The following EHD2 variants were observed in gnomAD, a reference collection of about 807,000 sequenced individuals.
EHD2 encodes EH domain-containing protein 2.
A neutral mutation model predicts 41.0 loss-of-function variants in EHD2; 27 were observed. The ratio of observed to expected loss-of-function variants is 0.66; its 90% CI spans 0.49 to 0.91. The LOEUF (loss-of-function observed/expected upper bound fraction) is 0.91, where lower values mean the gene tolerates loss of function less well. Among genes scored for constraint, EHD2 ranks in the 40% least tolerant of loss-of-function variants. EHD2 has a pLI of 0.00. For synonymous variants in EHD2, 342 were observed against 341.0 expected (o/e 1.00, Z -0.03); for missense variants, 673 against 773.9 (o/e 0.87, Z 1.55).
chr19:47,731,267 TAAAAAAAAA>T (rs1168747038), intron 4 of EHD2: 2 of 65,162 alleles, frequency 3.1e-5, no homozygotes, highest in Admixed American at 1.9e-4. Flanking sequence ...TGTGATTCTT[TAAAAAAAAA>T]AAAATATATA....
At position 47,741,689 on chromosome 19, in the gene EHD2, G is replaced by A. The variant is rs1302889980; in HGVS notation, c.*257G>A. ...GCACATCACACACACACTGGCACACGCAGGCATCCATCCATCCGTCATTCA... is the reference window on the plus strand; with the variant it reads ...GCACATCACACACACACTGGCACACACAGGCATCCATCCATCCGTCATTCA... On this transcript the variant is annotated 3_prime_UTR_variant, in exon 6 of 6. Transcript: ENST00000263277. The surrounding 1 kb of genome is among the most constrained non-coding windows in gnomAD (Gnocchi z 4.5). The A allele has an allele frequency of 1.1e-5, 7 of 632,038 alleles. No homozygotes were observed. The highest frequency in any genetic ancestry group is 5.5e-5 in the African/African-American group (3 of 54,390). The allele number at this position is 632,038 out of a possible 1,614,324, so 39.2% of individuals were successfully genotyped here.
At chr19:47,731,282 A>ATATATATACATG (rs1973809102) in intron 4 of EHD2, 10 of 60,690 alleles carry the variant, frequency 1.6e-4, no homozygotes, top group African/African-American at 5.8e-4. Flanking sequence ...AAAAAAAAAT[A>ATATATATACATG]TATATATATA....
rs141769793 is a variant in EHD2, at chr19:47,727,751, C to T, written c.915+1527C>T. On this transcript the variant is annotated intron_variant, in intron 4 of 5. Transcript: ENST00000263277. ...TAACCCACTACCATTGGACCAGCCC[C>T]GGGGCTTATCTTTTGATGGAGGGAG... is the stretch of plus-strand genomic sequence containing the variant. Among the ~76,000 whole-genome samples the T allele has an allele frequency of 3.4e-3, 510 of 149,098 alleles. 9 individuals carry two copies. In the East Asian group the frequency reaches 0.051, roughly 15 times the overall value.
chr19:47,726,093 C>A lies in EHD2; in HGVS notation c.784C>A (p.Leu262Ile). Residue 262 changes from leucine (L) to isoleucine (I), a missense_variant, in exon 4 of 6, where the codon CTC (leucine) becomes ATC (isoleucine). Coordinates refer to ENST00000263277, the MANE Select transcript of EHD2 (RefSeq NM_014601.4). ...VYIGSFWSQPLLVPDNRRLFE... is the reference protein window; with the variant it reads ...VYIGSFWSQPILVPDNRRLFE... ...CATCGGCTCCTTCTGGTCCCAGCCCCTCCTCGTGCCCGACAACCGGCGCCT... is the reference window on the plus strand; with the variant it reads ...CATCGGCTCCTTCTGGTCCCAGCCCATCCTCGTGCCCGACAACCGGCGCCT... 6.3e-7 allele frequency: 1 copy of A among 1,574,962 alleles called. No individual in the cohort carries two copies. The highest frequency in any genetic ancestry group is 1.4e-5 in the African/African-American group (1 of 74,040).
intron 2 of EHD2, among the ~76,000 whole-genome samples, chr19:47,717,818 G>A (rs952056867): frequency 6.8e-6 from 1 of 147,274 alleles, no homozygotes; most frequent in African/African-American, 2.5e-5. Flanking sequence ...TGAGGCAGAA[G>A]AATTGCTTAA....
intron 3 of EHD2, among the ~76,000 whole-genome samples, chr19:47,723,318 T>G (rs557520181): frequency 6.6e-5 from 10 of 152,282 alleles, no homozygotes; most frequent in African/African-American, 2.4e-4. Flanking sequence ...CATCCAGCAC[T>G]GTTTTTAAAA....
In EHD2 at chr19:47,725,972, C is replaced by G; in HGVS notation, c.663C>G (p.Ala221=). Residue 221 remains alanine, a synonymous_variant, in exon 4 of 6, where the codon GCC becomes GCG. Transcript: ENST00000263277. ...EDKIRVVLNK[A]DMVETQQLMR... ...AGATCCGCGTGGTGCTCAACAAGGC[C>G]GACATGGTGGAGACGCAGCAGCTGA... 3.1e-6 allele frequency: 5 copies of G among 1,612,776 alleles called. No individual in the cohort carries two copies. Among genetic ancestry groups the G allele is most frequent in the Non-Finnish European group, 4.2e-6 (5 of 1,179,084 alleles).
intron 3 of EHD2, among the ~76,000 whole-genome samples, chr19:47,722,524 C>T (rs902208638): frequency 5.3e-5 from 8 of 151,926 alleles, no homozygotes; most frequent in Non-Finnish European, 8.8e-5. Context: ...CCTCTTCTGT[C>T]GCCTCTTACC....
In EHD2 at chr19:47,716,633, G is replaced by T; in HGVS notation, c.21G>T (p.Arg7=). The change falls in exon 2 of 6, where the codon CGG becomes CGT. Residue 7 remains arginine, a synonymous_variant. Coordinates refer to ENST00000263277, the MANE Select transcript of EHD2 (RefSeq NM_014601.4). The stretch of plus-strand genomic sequence containing the variant: ...CCACCATGTTCAGCTGGCTGAAGCG[G>T]GGCGGGGCACGGGGCCAGCAGCCCG... MFSWLK[R]GGARGQQPEA... The T allele has an allele frequency of 6.4e-7, 1 of 1,551,280 alleles. No individual in the cohort carries two copies. Among genetic ancestry groups the T allele is most frequent in the East Asian group, 2.3e-5 (1 of 43,542 alleles).
At chr19:47,739,756 T>A (rs1186820808) in intron 5 of EHD2, among the ~76,000 whole-genome samples, 1 of 151,862 alleles carries the variant, frequency 6.6e-6, no homozygotes, top group Non-Finnish European at 1.5e-5. Context: ...CTGAGTTTTT[T>A]TTTTTTTAAC....
intron 4 of EHD2, among the ~76,000 whole-genome samples, chr19:47,730,060 C>G (rs1339814504): frequency 6.6e-6 from 1 of 152,072 alleles, no homozygotes; most frequent in Non-Finnish European, 1.5e-5. Context: ...GCACAAGGCC[C>G]AGGGACAGAG....
chr19:47,726,246 G>T (rs1287335338), intron 4 of EHD2, 22 bp downstream of exon 4: 1 of 1,463,878 alleles, frequency 6.8e-7, no homozygotes, highest in East Asian at 2.4e-5. Flanking sequence ...TGAGGGCTGG[G>T]CGCGCATTCT....
intron 4 of EHD2, chr19:47,731,284 A>ATATATATATGTG (rs1326368564): frequency 1.8e-5 from 1 of 54,924 alleles, no homozygotes; most frequent in Non-Finnish European, 5.2e-5. Context: ...AAAAAAATAT[A>ATATATATATGTG]TATATATATA....
At position 47,740,939 on chromosome 19, in the gene EHD2, A is replaced by G; in HGVS notation, c.1139A>G (p.Glu380Gly). The change falls in exon 6 of 6, where the codon GAG becomes GGG. Residue 380 changes from glutamate to glycine, a missense_variant. Transcript: ENST00000263277. Reference protein sequence around the residue: ...KFHSLKPKLLEALDEMLTHDI... With the variant: ...KFHSLKPKLLGALDEMLTHDI... ...CACTCGCTGAAGCCGAAGCTGCTAG[A>G]GGCACTGGACGAGATGCTGACGCAC... is the stretch of plus-strand genomic sequence containing the variant. 6.2e-7 allele frequency: 1 copy of G among 1,613,066 alleles called. No homozygotes were observed. The highest frequency in any genetic ancestry group is 8.5e-7 in the Non-Finnish European group (1 of 1,179,852).
intron 4 of EHD2, chr19:47,731,279 A>AAAATTATATATATAT: frequency 3.3e-5 from 2 of 60,928 alleles, no homozygotes; most frequent in African/African-American, 4.9e-5. Context: ...AAAAAAAAAA[A>AAAATTATATATATAT]ATATATATAT....
intron 4 of EHD2, chr19:47,731,280 A>ATATATATATATG (rs1973808490): frequency 1.6e-4 from 9 of 54,730 alleles, no homozygotes; most frequent in African/African-American, 4.6e-4. Context: ...AAAAAAAAAA[A>ATATATATATATG]TATATATATA....
chr19:47,717,098 A>G, intron 2 of EHD2, 82 bp downstream of exon 2: 1 of 1,558,828 alleles, frequency 6.4e-7, no homozygotes, highest in Non-Finnish European at 8.7e-7. Context: ...CCCAGGCTGG[A>G]GTGCAGTGGT....
At chr19:47,729,567 CAG>C (rs1973787117) in intron 4 of EHD2, 1 of 153,364 alleles carries the variant, frequency 6.5e-6, no homozygotes, top group African/African-American at 2.4e-5. Flanking sequence ...GGAACTTTCT[CAG>C]GGGGAGGCTG....
In EHD2 at chr19:47,725,976, A is replaced by G. The variant is rs757181096; in HGVS notation, c.667A>G (p.Met223Val). 8.1e-6 allele frequency: 13 copies of G among 1,612,650 alleles called. No homozygotes were observed. The highest frequency in any genetic ancestry group is 5.0e-5 in the Admixed American group (3 of 59,958). ...KIRVVLNKAD[M>V]VETQQLMRVY... ...CCGCGTGGTGCTCAACAAGGCCGAC[A>G]TGGTGGAGACGCAGCAGCTGATGCG... is the stretch of plus-strand genomic sequence containing the variant. Residue 223 changes from methionine (M) to valine (V), a missense_variant, in exon 4 of 6, where the codon ATG becomes GTG. Coordinates refer to ENST00000263277, the MANE Select transcript of EHD2 (RefSeq NM_014601.4).
Sources: gnomAD v4.1 joint callset for allele counts (sites outside exome capture counted in the v4.1 genomes callset) on GRCh38, gnomAD v4.1.1 for gene constraint, Gnocchi (gnomAD v3.1) non-coding constraint, MANE v1.5 for transcripts, NCBI Gene and HGNC (gene_info 2026-07-23, HGNC 2026-07-21) for gene names.